The following CYP7B1 variants were observed in gnomAD, a reference collection of about 807,000 sequenced individuals.
CYP7B1 encodes cytochrome P450 7B1.
Under a neutral mutation model 42.7 loss-of-function variants are expected in CYP7B1, and 29 were observed. The observed-to-expected ratio is 0.68, with a 90% confidence interval of 0.51 to 0.93. CYP7B1 has a LOEUF of 0.93. Ranked by LOEUF, CYP7B1 falls within the 40% of genes least tolerant of loss-of-function variation. The probability of loss-of-function intolerance (pLI) is 0.00; values close to 1 mark genes in which losing one functional copy is unlikely to be tolerated. For missense variants in CYP7B1, 655 were observed against 600.5 expected (o/e 1.09, Z -0.95); for synonymous variants, 235 against 218.2 (o/e 1.08, Z -0.68).
chr8:64,731,803 A>C (rs1807415166), intron 1 of CYP7B1, among the ~76,000 whole-genome samples: 1 of 152,180 alleles, frequency 6.6e-6, no homozygotes, highest in African/African-American at 2.4e-5. Flanking sequence ...GGTGTCCCAG[A>C]TGCTTCAGCT....
chr8:64,733,900 T>C (rs1036925516), intron 1 of CYP7B1, among the ~76,000 whole-genome samples: 1 of 151,274 alleles, frequency 6.6e-6, no homozygotes, highest in Admixed American at 6.6e-5. Context: ...AGCCCAGGAG[T>C]TTGAGGCTGC....
intron 1 of CYP7B1, among the ~76,000 whole-genome samples, chr8:64,738,135 C>T (rs1198094882): frequency 6.6e-6 from 1 of 152,114 alleles, no homozygotes; most frequent in Non-Finnish European, 1.5e-5. Flanking sequence ...TATCTGCATA[C>T]CTCTACTGAG....
chr8:64,753,897 C>A (rs1807768206), intron 1 of CYP7B1, among the ~76,000 whole-genome samples: 1 of 152,186 alleles, frequency 6.6e-6, no homozygotes, highest in African/African-American at 2.4e-5. Flanking sequence ...GCCAGCTCAC[C>A]ATGTCCATGC....
intron 4 of CYP7B1, among the ~76,000 whole-genome samples, chr8:64,611,135 C>T (rs966114264): frequency 2.6e-5 from 4 of 152,034 alleles, no homozygotes; most frequent in Non-Finnish European, 5.9e-5. Flanking sequence ...AACTGAGATA[C>T]AAAGAATTCC....
intron 1 of CYP7B1, among the ~76,000 whole-genome samples, chr8:64,773,582 C>A (rs905917147): frequency 6.6e-6 from 1 of 152,320 alleles, no homozygotes; most frequent in East Asian, 1.9e-4. Context: ...AGCCCCAAAC[C>A]TCATCTTCTT....
At chr8:64,605,007 G>C in intron 4 of CYP7B1, 150 bp from the exon 5 acceptor site, 1 of 959,404 alleles carries the variant, frequency 1.0e-6, no homozygotes, top group Non-Finnish European at 1.6e-6. Flanking sequence ...GGGAGCCAAG[G>C]GTGGCTGTGC....
Position 64,616,301 on chromosome 8 carries a change from G to C in CYP7B1, c.260-20C>G. On this transcript the variant is annotated intron_variant, in intron 2 of 5. Transcript: ENST00000310193. Reference sequence around the variant, plus strand: ...ACTTTCCTAGAAAAAAAAAAAGAGAGAGAAAATATGAGTTCGTTTGTTAAT... The same window carrying C: ...ACTTTCCTAGAAAAAAAAAAAGAGACAGAAAATATGAGTTCGTTTGTTAAT... 2.2e-6 allele frequency: 3 copies of C among 1,356,234 alleles called. No individual in the cohort carries two copies. Among genetic ancestry groups the C allele is most frequent in the Non-Finnish European group, 3.1e-6 (3 of 973,482 alleles). 84.0% of individuals were successfully genotyped at this position (1,356,234 alleles called of 1,614,324 possible).
intron 4 of CYP7B1, among the ~76,000 whole-genome samples, chr8:64,609,402 C>T (rs141585553): frequency 6.6e-6 from 1 of 152,292 alleles, no homozygotes; most frequent in Non-Finnish European, 1.5e-5. Flanking sequence ...ATTTTTCATA[C>T]TGAGGTGAAA....
At chr8:64,628,799 TAA>T (rs1404655950) in intron 1 of CYP7B1, among the ~76,000 whole-genome samples, 5 of 152,196 alleles carry the variant, frequency 3.3e-5, no homozygotes, top group African/African-American at 9.6e-5. Context: ...CTCTGAAATT[TAA>T]AAGAGTAGAC....
chr8:64,773,664 A>T (rs2129649554), intron 1 of CYP7B1, among the ~76,000 whole-genome samples: 1 of 152,270 alleles, frequency 6.6e-6, no homozygotes, highest in South Asian at 2.1e-4. Flanking sequence ...AATACCACAG[A>T]CTGGGTTACT....
intron 1 of CYP7B1, among the ~76,000 whole-genome samples, chr8:64,665,418 G>A (rs1189000001): frequency 1.3e-5 from 2 of 152,102 alleles, no homozygotes; most frequent in Non-Finnish European, 2.9e-5. Flanking sequence ...AGAAATGCTG[G>A]AGGAGTGCAT....
chr8:64,740,887 G>A (rs891868117), intron 1 of CYP7B1, among the ~76,000 whole-genome samples: 2 of 151,972 alleles, frequency 1.3e-5, no homozygotes, highest in African/African-American at 2.4e-5. Context: ...AAAGCACCAG[G>A]ACCAGATGAT....
intron 1 of CYP7B1, among the ~76,000 whole-genome samples, chr8:64,739,221 G>GC (rs1807534317): frequency 6.6e-6 from 1 of 152,146 alleles, no homozygotes; most frequent in Non-Finnish European, 1.5e-5. Flanking sequence ...GAAGGTCACA[G>GC]CCCAGGAATA....
In CYP7B1 at chr8:64,616,012, T is replaced by C. The variant is rs977684867; in HGVS notation, c.529A>G (p.Thr177Ala). 2.0e-5 allele frequency: 32 copies of C among 1,613,638 alleles called. No individual in the cohort carries two copies. Among genetic ancestry groups the C allele is most frequent in the Admixed American group, 1.3e-4 (8 of 59,920 alleles). The change falls in exon 3 of 6, where the codon ACG becomes GCG. Residue 177 changes from threonine (T) to alanine (A), a missense_variant. Coordinates refer to ENST00000310193, the MANE Select transcript of CYP7B1 (RefSeq NM_004820.5). ...PQLLKTTSWD[T>A]AELYPFCSSI... is the part of the protein sequence containing the mutation. ...CTGCAGAATGGATACAGTTCTGCCG[T>C]GTCCCAACTTGTGGTTTTTAACAGC...
intron 1 of CYP7B1, among the ~76,000 whole-genome samples, chr8:64,671,537 A>T (rs1367690514): frequency 6.6e-6 from 1 of 152,162 alleles, no homozygotes; most frequent in African/African-American, 2.4e-5. Context: ...TGTAATCAGT[A>T]GAAAGGCCTT....
At chr8:64,732,431 G>T (rs113728203) in intron 1 of CYP7B1, among the ~76,000 whole-genome samples, 6,138 of 152,186 alleles carry the variant, frequency 0.04, 409 homozygotes, top group African/African-American at 0.14. Flanking sequence ...ATCTGAAATG[G>T]GTGTATTTAC....
chr8:64,733,084 A>C (rs1208535761), intron 1 of CYP7B1: 2 of 156,144 alleles, frequency 1.3e-5, no homozygotes, highest in East Asian at 3.7e-4. Context: ...TTTTTGTCAT[A>C]AACTACCCAG....
chr8:64,657,626 T>C (rs1585836970), intron 1 of CYP7B1, among the ~76,000 whole-genome samples: 1 of 152,298 alleles, frequency 6.6e-6, no homozygotes, highest in East Asian at 1.9e-4. Context: ...AAGGAAGAGA[T>C]GGTTAAATAA....
intron 1 of CYP7B1, among the ~76,000 whole-genome samples, chr8:64,625,030 C>T (rs1050454504): frequency 8.1e-6 from 1 of 123,444 alleles, no homozygotes; most frequent in African/African-American, 3.1e-5. Flanking sequence ...CTGGAGTGCA[C>T]TGGTGCGATC....
Sources: gnomAD v4.1 joint callset for allele counts (sites outside exome capture counted in the v4.1 genomes callset) on GRCh38, gnomAD v4.1.1 for gene constraint, MANE v1.5 for transcripts, NCBI Gene and HGNC (gene_info 2026-07-23, HGNC 2026-07-21) for gene names.